The following NEK11 variants were observed in gnomAD, a reference collection of about 807,000 sequenced individuals.
NEK11 encodes the protein serine/threonine-protein kinase Nek11.
In NEK11, 72 loss-of-function variants were observed where a neutral mutation model predicts 80.7. That is an observed-to-expected ratio of 0.89 (90% confidence interval 0.74 to 1.08). NEK11 has a LOEUF of 1.08. NEK11 is among the 50% of genes least tolerant of loss of function. The pLI is 0.00. For synonymous variants in NEK11, 251 were observed against 260.7 expected, an observed-to-expected ratio of 0.96 and a Z score of 0.36; for missense variants, 764 against 763.6, an observed-to-expected ratio of 1.00 and a Z score of -0.01.
In NEK11 at chr3:131,341,223, C is replaced by T. The variant is rs79346011; in HGVS notation, c.1719-8334C>T. On this transcript the variant is annotated intron_variant, in intron 17 of 17. Coordinates refer to ENST00000383366, the MANE Select transcript of NEK11 (RefSeq NM_024800.5). ...ACGGCAATATTCCAAGACTAGAACACCTATAGCTTTTCTGTCAGCCTAAAA... is the reference window on the plus strand; with the variant it reads ...ACGGCAATATTCCAAGACTAGAACATCTATAGCTTTTCTGTCAGCCTAAAA... Among the ~76,000 whole-genome samples, 892 of 152,138 alleles carry T rather than the reference C, an allele frequency of 5.9e-3. 9 individuals carry two copies. The highest frequency in any genetic ancestry group is 0.014 in the Middle Eastern group (4 of 294).
At chr3:131,111,890 A>T (rs2080193200) in intron 5 of NEK11, among the ~76,000 whole-genome samples, 1 of 152,202 alleles carries the variant, frequency 6.6e-6, no homozygotes, top group South Asian at 2.1e-4. Context: ...TAATATAGAA[A>T]TGAGAGCACA....
At chr3:131,204,490 C>T (rs2094380993) in intron 14 of NEK11, among the ~76,000 whole-genome samples, 1 of 152,080 alleles carries the variant, frequency 6.6e-6, no homozygotes, top group Non-Finnish European at 1.5e-5. Context: ...GACACCATCT[C>T]CAGTGTCATA....
chr3:131,329,520 G>A (rs1479710222), intron 17 of NEK11: 1 of 151,992 alleles, frequency 6.6e-6, no homozygotes, highest in African/African-American at 2.4e-5. Context: ...ATTCTAATGG[G>A]TGATAAATCA....
chr3:131,195,740 T>C (rs1328776546), intron 14 of NEK11, among the ~76,000 whole-genome samples: 1 of 149,866 alleles, frequency 6.7e-6, no homozygotes, highest in Non-Finnish European at 1.5e-5. Flanking sequence ...CCTTTGTCAG[T>C]TGTGGTACAT....
rs143543341 is a variant in NEK11 at position 131,292,298 on chromosome 3, T to A, written c.1718+18724T>A. 1.0e-3 allele frequency among the ~76,000 whole-genome samples: 156 copies of A among 152,358 alleles called. 4 individuals carry two copies. In the East Asian group the frequency reaches 0.022, roughly 21 times the overall value. ...ATCTATTTGTCTATTCTTTTGCCAA[T>A]ACTACATTGTCTTGATCACTGTACC... is the stretch of plus-strand genomic sequence containing the variant. On this transcript the variant is annotated intron_variant, in intron 17 of 17. Coordinates refer to ENST00000383366, the MANE Select transcript of NEK11 (RefSeq NM_024800.5).
chr3:131,107,411 CTTT>C (rs905723636), intron 4 of NEK11, among the ~76,000 whole-genome samples: 82 of 151,112 alleles, frequency 5.4e-4, no homozygotes, highest in Non-Finnish European at 9.6e-4. Flanking sequence ...ACTGATATTT[CTTT>C]AAGGCAAATT....
At chr3:131,123,126 G>C (rs2082678014) in intron 5 of NEK11, among the ~76,000 whole-genome samples, 1 of 152,132 alleles carries the variant, frequency 6.6e-6, no homozygotes, top group African/African-American at 2.4e-5. Flanking sequence ...AAATTATGCT[G>C]GCTCATTTTG....
In NEK11 at chr3:131,082,826, C is replaced by G. The variant is rs528178331; in HGVS notation, c.336+2238C>G. The stretch of plus-strand genomic sequence containing the variant: ...TTCCACATTTGCTTTATCTTTCTAC[C>G]TACATTTTTTAATGAACCATTTGAG... On this transcript the variant is annotated intron_variant, in intron 4 of 17. Coordinates refer to ENST00000383366, the MANE Select transcript of NEK11 (RefSeq NM_024800.5). Among the ~76,000 whole-genome samples, 9 of 152,160 alleles carry G rather than the reference C, an allele frequency of 5.9e-5. No individual in the cohort carries two copies. The South Asian group carries it at 1.9e-3, about 32-fold the overall frequency.
intron 3 of NEK11, among the ~76,000 whole-genome samples, chr3:131,059,772 C>T (rs1039427345): frequency 1.2e-4 from 19 of 152,202 alleles, no homozygotes; most frequent in African/African-American, 4.6e-4. Flanking sequence ...AGAGAACTTA[C>T]TGTATTGACA....
intron 7 of NEK11, among the ~76,000 whole-genome samples, chr3:131,147,530 C>A (rs568460149): frequency 2.0e-4 from 30 of 151,956 alleles, no homozygotes; most frequent in African/African-American, 6.5e-4. Flanking sequence ...ACAAAACTTC[C>A]AAATTAGTTC....
intron 17 of NEK11, among the ~76,000 whole-genome samples, chr3:131,315,090 C>T (rs548630933): frequency 2.6e-5 from 4 of 152,252 alleles, no homozygotes; most frequent in African/African-American, 9.6e-5. Flanking sequence ...AGCAAATTAA[C>T]ATATCCATCA....
At chr3:131,042,398 C>G (rs1223849068) in intron 3 of NEK11, among the ~76,000 whole-genome samples, 1 of 152,146 alleles carries the variant, frequency 6.6e-6, no homozygotes, top group Non-Finnish European at 1.5e-5. Flanking sequence ...AGTCTGAGGT[C>G]GACCTGGGAT....
intron 16 of NEK11, among the ~76,000 whole-genome samples, chr3:131,263,833 A>G (rs1253010764): frequency 6.6e-6 from 1 of 152,180 alleles, no homozygotes; most frequent in Non-Finnish European, 1.5e-5. Flanking sequence ...TCCCACCAAC[A>G]GTGTAAAAGT....
At chr3:131,118,333 C>A (rs1369410030) in intron 5 of NEK11, among the ~76,000 whole-genome samples, 1 of 152,250 alleles carries the variant, frequency 6.6e-6, no homozygotes, top group East Asian at 1.9e-4. Context: ...CCAACTTGAT[C>A]GTGGTGGATA....
intron 9 of NEK11, 67 bp from the exon 10 acceptor site, chr3:131,154,969 G>A: frequency 1.1e-6 from 1 of 933,810 alleles, no homozygotes; most frequent in South Asian, 1.5e-5. Flanking sequence ...AAGATTCTTG[G>A]TAATTTATTC....
At chr3:131,167,976 G>A (rs1411959513) in intron 12 of NEK11, among the ~76,000 whole-genome samples, 4 of 152,206 alleles carry the variant, frequency 2.6e-5, no homozygotes, top group African/African-American at 9.6e-5. Context: ...ATTGATGGGG[G>A]CAGAAATGCT....
chr3:131,033,647 A>G (rs1035608279), intron 3 of NEK11, among the ~76,000 whole-genome samples: 2 of 152,196 alleles, frequency 1.3e-5, no homozygotes, highest in Admixed American at 1.3e-4. Context: ...AAGTATTGCA[A>G]TTTATCATTA....
chr3:131,275,736 G>A (rs1006129311), intron 17 of NEK11, among the ~76,000 whole-genome samples: 13 of 152,342 alleles, frequency 8.5e-5, no homozygotes, highest in East Asian at 5.8e-4. Context: ...GCCAGAGAGA[G>A]GAAATCTTGC....
intron 5 of NEK11, among the ~76,000 whole-genome samples, chr3:131,115,456 G>C (rs990137614): frequency 2.6e-5 from 4 of 152,176 alleles, no homozygotes; most frequent in Non-Finnish European, 5.9e-5. Context: ...GAAACACTAA[G>C]AAGAATGAAG....
Sources: allele counts gnomAD v4.1 joint callset (sites outside exome capture counted in the v4.1 genomes callset), GRCh38; gene constraint gnomAD v4.1.1; transcripts MANE v1.5; gene names NCBI Gene and HGNC (gene_info 2026-07-23, HGNC 2026-07-21).